The following STAG1 variants were observed in gnomAD, a reference collection of about 807,000 sequenced individuals.
The protein encoded by STAG1 is STAG1 cohesin complex component.
STAG1 carries 26 observed loss-of-function variants against 170.9 expected under a neutral mutation model. The ratio of observed to expected loss-of-function variants is 0.15; its 90% CI spans 0.11 to 0.21. The LOEUF (loss-of-function observed/expected upper bound fraction) is 0.21, where lower values mean the gene tolerates loss of function less well. Ranked by LOEUF, STAG1 falls within the 10% of genes least tolerant of loss-of-function variation. The pLI is 1.00. For synonymous variants in STAG1, 514 were observed against 497.7 expected (o/e 1.03, Z -0.44); for missense variants, 964 against 1,509.5 (o/e 0.64, Z 5.99).
At chr3:136,651,034 C>G (rs1452000252) in intron 1 of STAG1, among the ~76,000 whole-genome samples, 2 of 151,862 alleles carry the variant, frequency 1.3e-5, no homozygotes, top group Non-Finnish European at 2.9e-5. Context: ...GACAATGGAT[C>G]GTTCTGTCAG....
At chr3:136,656,963 T>C (rs1006561327) in intron 1 of STAG1, among the ~76,000 whole-genome samples, 1 of 151,822 alleles carries the variant, frequency 6.6e-6, no homozygotes, top group Admixed American at 6.6e-5. Context: ...AATGAAAATA[T>C]ATTTACACTT....
At chr3:136,445,893 ATG>A (rs956142458) in intron 14 of STAG1, among the ~76,000 whole-genome samples, 4 of 152,172 alleles carry the variant, frequency 2.6e-5, no homozygotes, top group African/African-American at 7.2e-5. Context: ...TTATTTTAAG[ATG>A]TGTTTGTAAA....
chr3:136,461,536 A>C (rs977507021), intron 13 of STAG1, among the ~76,000 whole-genome samples: 15 of 152,042 alleles, frequency 9.9e-5, no homozygotes, highest in Non-Finnish European at 1.5e-5. Flanking sequence ...GAACAATCTG[A>C]AAAAGAAGTC....
At chr3:136,726,423 T>C (rs1383348493) in intron 1 of STAG1, among the ~76,000 whole-genome samples, 1 of 152,186 alleles carries the variant, frequency 6.6e-6, no homozygotes, top group Non-Finnish European at 1.5e-5. Flanking sequence ...ACCACTAAGC[T>C]AGAAGAATAT....
At chr3:136,541,936 C>G (rs1364792039) in intron 6 of STAG1, among the ~76,000 whole-genome samples, 183 bp downstream of exon 6, 1 of 152,114 alleles carries the variant, frequency 6.6e-6, no homozygotes, top group Admixed American at 6.6e-5. Flanking sequence ...ATACTCCACA[C>G]AACATAATCA....
At chr3:136,705,104 A>C (rs1019186572) in intron 1 of STAG1, among the ~76,000 whole-genome samples, 1 of 152,032 alleles carries the variant, frequency 6.6e-6, no homozygotes, top group Non-Finnish European at 1.5e-5. Flanking sequence ...GGCCAGGCGC[A>C]GTGGCTCACG....
At chr3:136,624,842 T>C (rs1162975367) in intron 2 of STAG1, among the ~76,000 whole-genome samples, 1 of 152,190 alleles carries the variant, frequency 6.6e-6, no homozygotes, top group Non-Finnish European at 1.5e-5. Context: ...TAGTACAGCA[T>C]TAAAACATAT....
At chr3:136,569,122 A>T (rs1937176448) in intron 4 of STAG1, among the ~76,000 whole-genome samples, 1 of 152,144 alleles carries the variant, frequency 6.6e-6, no homozygotes, top group Admixed American at 6.5e-5. Context: ...ATTAAGTCCA[A>T]TAATTATTAA....
chr3:136,357,943 AT>A, intron 27 of STAG1, 95 bp from the exon 28 acceptor site: 1 of 1,040,292 alleles, frequency 9.6e-7, no homozygotes, highest in Non-Finnish European at 1.4e-6. Flanking sequence ...TAGTAAAATT[AT>A]CACAAAAGGT....
intron 22 of STAG1, among the ~76,000 whole-genome samples, chr3:136,396,657 A>G (rs1050399692): frequency 1.9e-4 from 28 of 147,244 alleles, no homozygotes; most frequent in Non-Finnish European, 3.3e-4. Flanking sequence ...CCTCCCAAGC[A>G]GCTGGGACTA....
At chr3:136,431,979 T>C (rs929195932) in intron 16 of STAG1, among the ~76,000 whole-genome samples, 9 of 152,198 alleles carry the variant, frequency 5.9e-5, no homozygotes, top group African/African-American at 2.2e-4. Flanking sequence ...TCAGTGATTA[T>C]TTCTTCAAAT....
chr3:136,366,277 A>G (rs890042682), intron 25 of STAG1, among the ~76,000 whole-genome samples: 71 of 152,122 alleles, frequency 4.7e-4, no homozygotes, highest in African/African-American at 1.7e-3. Flanking sequence ...GATCAATGAT[A>G]ATGTGAAAGT....
At chr3:136,610,376 A>C (rs577013771) in intron 3 of STAG1, among the ~76,000 whole-genome samples, 1 of 152,146 alleles carries the variant, frequency 6.6e-6, no homozygotes, top group African/African-American at 2.4e-5. Context: ...AACAAATAAA[A>C]ACTCCTTGAT....
intron 22 of STAG1, among the ~76,000 whole-genome samples, chr3:136,386,971 T>TAA: frequency 6.6e-6 from 1 of 152,280 alleles, no homozygotes; most frequent in East Asian, 1.9e-4. Context: ...CTAGACCAGA[T>TAA]AAAAATTCTC....
intron 1 of STAG1, among the ~76,000 whole-genome samples, chr3:136,723,037 C>T (rs1404993106): frequency 6.6e-6 from 1 of 152,216 alleles, no homozygotes; most frequent in South Asian, 2.1e-4. Flanking sequence ...GATCTCCGCT[C>T]GCTACAACCT....
intron 4 of STAG1, among the ~76,000 whole-genome samples, chr3:136,584,421 C>T (rs1937704836): frequency 6.6e-6 from 1 of 152,176 alleles, no homozygotes; most frequent in Admixed American, 6.5e-5. Context: ...CTATCACATG[C>T]AAGCCATCCT....
chr3:136,381,027 A>AAAAAAAGAAG, intron 22 of STAG1, among the ~76,000 whole-genome samples: 1 of 150,676 alleles, frequency 6.6e-6, no homozygotes, highest in Non-Finnish European at 1.5e-5. Flanking sequence ...CTGTCTCGAA[A>AAAAAAAGAAG]AAAAAAAAAG....
intron 6 of STAG1, among the ~76,000 whole-genome samples, chr3:136,534,609 A>C (rs1320211876): frequency 6.6e-6 from 1 of 152,222 alleles, no homozygotes; most frequent in Non-Finnish European, 1.5e-5. Flanking sequence ...GTCAATTCTC[A>C]AAAGAAAACT....
intron 6 of STAG1, among the ~76,000 whole-genome samples, chr3:136,536,985 A>C (rs1480008261): frequency 1.3e-5 from 2 of 152,214 alleles, no homozygotes; most frequent in African/African-American, 4.8e-5. Context: ...TCTTGTCCCC[A>C]ATAGATCGAA....
Sources: gnomAD v4.1 joint callset for allele counts (sites outside exome capture counted in the v4.1 genomes callset) on GRCh38, gnomAD v4.1.1 for gene constraint, MANE v1.5 for transcripts, NCBI Gene and HGNC (gene_info 2026-07-23, HGNC 2026-07-21) for gene names.